PPFIA2: variants seen among roughly 807,000 people sequenced by gnomAD.
PPFIA2 encodes liprin-alpha-2.
A neutral mutation model predicts 175.5 loss-of-function variants in PPFIA2; 46 were observed. The ratio of observed to expected loss-of-function variants is 0.26; its 90% CI spans 0.21 to 0.34. The LOEUF (loss-of-function observed/expected upper bound fraction) is 0.34, where lower values mean the gene tolerates loss of function less well. PPFIA2 is among the 10% of genes least tolerant of loss of function. The pLI is 1.00. For missense variants in PPFIA2, 1,179 were observed against 1,506.1 expected (o/e 0.78, Z 3.60); for synonymous variants, 568 against 511.4 (o/e 1.11, Z -1.49).
At chr12:81,702,839 T>A (rs1157553268) in intron 3 of PPFIA2, among the ~76,000 whole-genome samples, 1 of 152,086 alleles carries the variant, frequency 6.6e-6, no homozygotes, top group Admixed American at 6.5e-5. Context: ...CTAGTGCCCA[T>A]ATAAAACAGG....
At chr12:81,578,641 T>C (rs2073966527) in intron 4 of PPFIA2, among the ~76,000 whole-genome samples, 1 of 151,868 alleles carries the variant, frequency 6.6e-6, no homozygotes, top group African/African-American at 2.4e-5. Context: ...TAAAATTTCT[T>C]TATATCATTT....
At chr12:81,435,526 C>T (rs2048818441) in intron 7 of PPFIA2, among the ~76,000 whole-genome samples, 1 of 151,574 alleles carries the variant, frequency 6.6e-6, no homozygotes, top group Non-Finnish European at 1.5e-5. Flanking sequence ...GGTGATAACT[C>T]CAAACCCATC....
intron 21 of PPFIA2, among the ~76,000 whole-genome samples, chr12:81,334,056 A>T (rs1160447009): frequency 1.3e-5 from 2 of 151,876 alleles, no homozygotes; most frequent in African/African-American, 2.4e-5. Context: ...TAAAGTTGCC[A>T]AACAAACAAA....
chr12:81,520,667 G>T (rs2063011523), intron 4 of PPFIA2, among the ~76,000 whole-genome samples: 1 of 152,196 alleles, frequency 6.6e-6, no homozygotes, highest in Admixed American at 6.5e-5. Context: ...AGGTGACTGA[G>T]ATCTGAAGGA....
chr12:81,374,750 G>A lies in PPFIA2; in HGVS notation c.1150C>T (p.Gln384Ter). Residue 384 changes from glutamine (Q) to a stop codon, truncating the protein, a stop_gained, in exon 11 of 33, where the codon CAG becomes TAG. Coordinates refer to ENST00000549396, the MANE Select transcript of PPFIA2 (RefSeq NM_003625.5). LOFTEE classifies it high-confidence loss of function. The stretch of plus-strand genomic sequence containing the variant: ...GCTAGCTCAAGACGTTCTTGTAACT[G>A]TCTGTTTTTCTCTTCCATCTGAAAT... ...ILRQMEEKNRQLQERLELAEQ... is the reference protein window; with the variant it reads ...ILRQMEEKNR The A allele has an allele frequency of 6.2e-7, 1 of 1,612,620 alleles. No homozygotes were observed. Among genetic ancestry groups the A allele is most frequent in the Non-Finnish European group, 8.5e-7 (1 of 1,179,176 alleles).
At chr12:81,394,809 A>C (rs965748437) in intron 8 of PPFIA2, among the ~76,000 whole-genome samples, 1 of 105,328 alleles carries the variant, frequency 9.5e-6, no homozygotes, top group Admixed American at 1.0e-4. Flanking sequence ...CCCAGAAGTT[A>C]AAAAAAAAAA....
chr12:81,446,869 T>G (rs1246328973), intron 5 of PPFIA2, among the ~76,000 whole-genome samples: 1 of 152,228 alleles, frequency 6.6e-6, no homozygotes, highest in Non-Finnish European at 1.5e-5. Context: ...TCATATTTTT[T>G]GGTTGATTTC....
rs144320668 is a variant in PPFIA2, at chr12:81,694,979, C to T, written c.250-18135G>A. On this transcript the variant is annotated intron_variant, in intron 3 of 32. Coordinates refer to ENST00000549396, the MANE Select transcript of PPFIA2 (RefSeq NM_003625.5). ...TCATAATTGCATGAGGTCTACAGCC[C>T]CTTTCTTTTGGCTAATTTCTCCTTA... Among the ~76,000 whole-genome samples, 938 of 152,196 alleles carry T rather than the reference C, an allele frequency of 6.2e-3. 10 individuals are homozygous for T. Among genetic ancestry groups the T allele is most frequent in the African/African-American group, 0.021 (864 of 41,530 alleles).
At chr12:81,734,958 A>T (rs1415807815) in intron 3 of PPFIA2, among the ~76,000 whole-genome samples, 1 of 151,794 alleles carries the variant, frequency 6.6e-6, no homozygotes, top group Non-Finnish European at 1.5e-5. Context: ...TTCATTTAGC[A>T]TGATGATTTT....
intron 4 of PPFIA2, among the ~76,000 whole-genome samples, chr12:81,588,209 G>C (rs1346320433): frequency 6.6e-6 from 1 of 151,870 alleles, no homozygotes; most frequent in African/African-American, 2.4e-5. Context: ...CTTCCAGAAA[G>C]TATTTATAAA....
At chr12:81,420,748 C>A (rs1386355897) in intron 7 of PPFIA2, among the ~76,000 whole-genome samples, 1 of 151,756 alleles carries the variant, frequency 6.6e-6, no homozygotes, top group East Asian at 1.9e-4. Context: ...TGATAGAAAG[C>A]ATATTTAGAG....
chr12:81,416,409 A>G (rs928837278), intron 7 of PPFIA2, among the ~76,000 whole-genome samples: 6 of 151,656 alleles, frequency 4.0e-5, no homozygotes, highest in Non-Finnish European at 1.5e-5. Flanking sequence ...AGAAACTGCA[A>G]TAATTCAGTG....
chr12:81,732,273 C>T (rs1365757815), intron 3 of PPFIA2, among the ~76,000 whole-genome samples: 1 of 151,380 alleles, frequency 6.6e-6, no homozygotes, highest in Non-Finnish European at 1.5e-5. Context: ...TAAATAATTG[C>T]TAATAGCTTA....
chr12:81,591,549 T>C (rs912302331), intron 4 of PPFIA2, among the ~76,000 whole-genome samples: 67 of 152,258 alleles, frequency 4.4e-4, no homozygotes, highest in African/African-American at 1.5e-3. Context: ...AGTGTTTTCA[T>C]GGGCCGGGCC....
chr12:81,433,834 C>T (rs2048521039), intron 7 of PPFIA2, among the ~76,000 whole-genome samples: 1 of 152,070 alleles, frequency 6.6e-6, no homozygotes, highest in Non-Finnish European at 1.5e-5. Flanking sequence ...ACTACATAGG[C>T]TTACACAAGT....
At chr12:81,725,744 C>T (rs79597894) in intron 3 of PPFIA2, among the ~76,000 whole-genome samples, 2 of 149,852 alleles carry the variant, frequency 1.3e-5, no homozygotes, top group Non-Finnish European at 3.0e-5. Context: ...CACAGACAAC[C>T]CTTTGAATAA....
intron 4 of PPFIA2, among the ~76,000 whole-genome samples, chr12:81,527,138 G>A (rs1311959041): frequency 6.6e-6 from 1 of 152,082 alleles, no homozygotes; most frequent in East Asian, 1.9e-4. Flanking sequence ...CAAGAATTCA[G>A]CTAATCAATA....
chr12:81,397,675 TAC>T (rs1480258589), intron 8 of PPFIA2, among the ~76,000 whole-genome samples: 1 of 151,992 alleles, frequency 6.6e-6, no homozygotes, highest in Non-Finnish European at 1.5e-5. Flanking sequence ...ATTATAAGAA[TAC>T]AGTCGACCAG....
intron 9 of PPFIA2, among the ~76,000 whole-genome samples, chr12:81,376,364 G>A (rs11114840): frequency 0.16 from 24,446 of 151,614 alleles, 2,735 homozygotes; most frequent in East Asian, 0.42. Context: ...AATACCATCC[G>A]TATTCTTACC....
Sources: gnomAD v4.1 joint callset for allele counts (sites outside exome capture counted in the v4.1 genomes callset) on GRCh38, gnomAD v4.1.1 for gene constraint, MANE v1.5 for transcripts, NCBI Gene and HGNC (gene_info 2026-07-23, HGNC 2026-07-21) for gene names.